CHRM3: variants seen among roughly 807,000 people sequenced by gnomAD.
CHRM3 encodes the protein muscarinic acetylcholine receptor M3.
CHRM3 carries 11 observed loss-of-function variants against 41.8 expected under a neutral mutation model. That is an observed-to-expected ratio of 0.26 (90% CI 0.17 to 0.44). The LOEUF is 0.44. Ranked by LOEUF, CHRM3 falls within the 20% of genes least tolerant of loss-of-function variation. CHRM3 has a pLI of 1.00. For missense variants in CHRM3, 571 were observed against 745.4 expected (o/e 0.77, Z 2.72); for synonymous variants, 297 against 301.4 (o/e 0.99, Z 0.15).
intron 5 of CHRM3, among the ~76,000 whole-genome samples, chr1:239,699,314 T>G (rs1270208530): frequency 6.6e-6 from 1 of 152,102 alleles, no homozygotes; most frequent in Admixed American, 6.6e-5. Context: ...GTGATTACCC[T>G]TAGATGAGGT....
In CHRM3 at chr1:239,386,711, T is replaced by C. The variant is rs553221301; in HGVS notation, c.-1037T>C. The C allele has an allele frequency of 3.6e-4, 55 of 152,428 alleles. No homozygotes were observed. The highest frequency in any genetic ancestry group is 1.3e-3 in the African/African-American group (52 of 41,554). 9.4% of individuals were successfully genotyped at this position (152,428 alleles called of 1,614,324 possible). On this transcript the variant is annotated 5_prime_UTR_variant, in exon 1 of 7. Coordinates refer to ENST00000676153, the MANE Select transcript of CHRM3 (RefSeq NM_001375978.1). ...GGAGGAAAAGACCTCTCCTCCCCCT[T>C]GGAGCGCCTTCTCTCTGCTTTTGGA... is the stretch of plus-strand genomic sequence containing the variant.
chr1:239,543,286 T>C (rs983249533), intron 2 of CHRM3, among the ~76,000 whole-genome samples: 2 of 152,148 alleles, frequency 1.3e-5, no homozygotes, highest in African/African-American at 4.8e-5. Context: ...TCTGAACTCA[T>C]TGCTTGTGCC....
intron 6 of CHRM3, among the ~76,000 whole-genome samples, chr1:239,838,406 G>A (rs932678384): frequency 4.6e-5 from 7 of 152,064 alleles, no homozygotes; most frequent in African/African-American, 1.2e-4. Flanking sequence ...TTTTCATGCA[G>A]TTTTGGACAA....
chr1:239,716,467 C>T (rs188261259), intron 5 of CHRM3, among the ~76,000 whole-genome samples: 53 of 152,038 alleles, frequency 3.5e-4, no homozygotes, highest in African/African-American at 1.1e-3. Flanking sequence ...AGGGCATTGA[C>T]GTCATCCAGG....
At chr1:239,782,911 GA>G (rs533240563) in intron 5 of CHRM3, among the ~76,000 whole-genome samples, 382 of 152,106 alleles carry the variant, frequency 2.5e-3, no homozygotes, top group Admixed American at 5.4e-3. Flanking sequence ...CTGTTTTGGG[GA>G]CTTTTCAGCT....
chr1:239,903,268 A>G (rs927144558), intron 6 of CHRM3, among the ~76,000 whole-genome samples: 1 of 152,236 alleles, frequency 6.6e-6, no homozygotes. Context: ...TTCTTCAACA[A>G]TATAGGTCAA....
At chr1:239,552,950 T>C (rs2148452030) in intron 3 of CHRM3, among the ~76,000 whole-genome samples, 1 of 152,274 alleles carries the variant, frequency 6.6e-6, no homozygotes, top group African/African-American at 2.4e-5. Context: ...TCCAGTTTTA[T>C]GTTGAAATTT....
chr1:239,799,759 G>A (rs1572335428), intron 5 of CHRM3, among the ~76,000 whole-genome samples: 1 of 152,274 alleles, frequency 6.6e-6, no homozygotes, highest in African/African-American at 2.4e-5. Context: ...GCTTCACACA[G>A]CCCTGTCTCA....
chr1:239,691,977 C>G (rs1372016712), intron 5 of CHRM3, among the ~76,000 whole-genome samples: 1 of 152,144 alleles, frequency 6.6e-6, no homozygotes, highest in Non-Finnish European at 1.5e-5. Context: ...GGGATGATCT[C>G]AAAATGAATT....
At chr1:239,597,400 C>T (rs1157030462) in intron 3 of CHRM3, among the ~76,000 whole-genome samples, 2 of 152,136 alleles carry the variant, frequency 1.3e-5, no homozygotes, top group African/African-American at 4.8e-5. Context: ...CAGTAGCTAA[C>T]CTGTAGCAGA....
At chr1:239,701,933 T>C (rs1660725707) in intron 5 of CHRM3, among the ~76,000 whole-genome samples, 1 of 152,208 alleles carries the variant, frequency 6.6e-6, no homozygotes, top group Admixed American at 6.5e-5. Context: ...CCATGTAATT[T>C]ATTTGCTTTT....
At chr1:239,533,648 T>G (rs1197333088) in intron 2 of CHRM3, among the ~76,000 whole-genome samples, 1 of 143,788 alleles carries the variant, frequency 7.0e-6, no homozygotes, top group African/African-American at 2.6e-5. Context: ...GGAGAATTGC[T>G]GGAACCCAGG....
intron 1 of CHRM3, among the ~76,000 whole-genome samples, chr1:239,479,190 CCACACACA>C (rs56202845): frequency 1.7e-4 from 24 of 139,880 alleles, no homozygotes; most frequent in East Asian, 4.3e-4. Context: ...TTTCAAAAAA[CCACACACA>C]CACACACACA....
chr1:239,650,554 A>G (rs1161520971), intron 4 of CHRM3, among the ~76,000 whole-genome samples: 1 of 152,196 alleles, frequency 6.6e-6, no homozygotes, highest in Non-Finnish European at 1.5e-5. Context: ...AGAGAAAGTG[A>G]TGTGTGATTT....
At chr1:239,530,538 T>G (rs1670330113) in intron 2 of CHRM3, among the ~76,000 whole-genome samples, 1 of 152,130 alleles carries the variant, frequency 6.6e-6, no homozygotes, top group Non-Finnish European at 1.5e-5. Context: ...GGGTTCCAGG[T>G]ATGAAACTAG....
chr1:239,652,401 C>G (rs1013540025), intron 4 of CHRM3, among the ~76,000 whole-genome samples: 5 of 152,180 alleles, frequency 3.3e-5, no homozygotes, highest in African/African-American at 1.2e-4. Context: ...ATCTTGTTTC[C>G]TCACCTGTGT....
intron 2 of CHRM3, among the ~76,000 whole-genome samples, chr1:239,532,419 A>G (rs1657705031): frequency 6.6e-6 from 1 of 150,772 alleles, no homozygotes; most frequent in South Asian, 2.1e-4. Context: ...CGAGGTCAAC[A>G]GATCGAGACC....
chr1:239,465,495 A>G (rs1411647787), intron 1 of CHRM3, among the ~76,000 whole-genome samples: 2 of 152,284 alleles, frequency 1.3e-5, no homozygotes, highest in Non-Finnish European at 1.5e-5. Context: ...ACAGCCACGC[A>G]GTCAGTTTAG....
intron 4 of CHRM3, among the ~76,000 whole-genome samples, chr1:239,640,262 G>C (rs1477374313): frequency 6.6e-6 from 1 of 152,168 alleles, no homozygotes; most frequent in East Asian, 1.9e-4. Context: ...TTTGGTATCA[G>C]GATGATGCTG....
Sources: allele counts gnomAD v4.1 joint callset (sites outside exome capture counted in the v4.1 genomes callset), GRCh38; gene constraint gnomAD v4.1.1; transcripts MANE v1.5; gene names NCBI Gene and HGNC (gene_info 2026-07-23, HGNC 2026-07-21).